ANHX: variants seen among roughly 807,000 people sequenced by gnomAD.
ANHX encodes anomalous homeobox protein.
ANHX carries 20 observed loss-of-function variants against 38.9 expected under a neutral mutation model. The observed-to-expected ratio is 0.51, with a 90% confidence interval of 0.36 to 0.75. ANHX has a LOEUF of 0.75. Among genes scored for constraint, ANHX ranks in the 30% least tolerant of loss-of-function variants. The probability of loss-of-function intolerance (pLI) is 0.00; values close to 1 mark genes in which losing one functional copy is unlikely to be tolerated. For synonymous variants in ANHX, 185 were observed against 203.1 expected (o/e 0.91, Z 0.76); for missense variants, 475 against 493.1 (o/e 0.96, Z 0.35).
intron 7 of ANHX, among the ~76,000 whole-genome samples, chr12:133,223,945 T>C (rs1957149302): frequency 6.6e-6 from 1 of 152,214 alleles, no homozygotes; most frequent in African/African-American, 2.4e-5. Context: ...TGCAAAATTG[T>C]TAACCAAACT....
In ANHX at chr12:133,227,073, G is replaced by A; in HGVS notation, c.581C>T (p.Ala194Val). 6.5e-7 allele frequency: 1 copy of A among 1,536,082 alleles called. No individual in the cohort carries two copies. Among genetic ancestry groups the A allele is most frequent in the Non-Finnish European group, 8.7e-7 (1 of 1,146,880 alleles). The change falls in exon 5 of 10, where the codon GCC (alanine) becomes GTC (valine). Residue 194 changes from alanine (A) to valine (V), a missense_variant. Physicochemically the swap from Ala to Val is moderately conservative, Grantham distance 64. Transcript: ENST00000545940. ...GGCTGGCTTCATGTGCTGGGGAAGG[G>A]CTCTTTGGCGGCGCCGGTAATTGGC... ...WFANYRRRQR[A>V]LPQHMKPAQQ...
At chr12:133,227,774 G>A in intron 4 of ANHX, 50 bp downstream of exon 4, 1 of 1,531,622 alleles carries the variant, frequency 6.5e-7, no homozygotes, top group Non-Finnish European at 8.7e-7. Flanking sequence ...TGGGGGACAG[G>A]GAGGCACCAG....
chr12:133,233,497 A>G (rs1414353623), intron 2 of ANHX, among the ~76,000 whole-genome samples: 1 of 152,194 alleles, frequency 6.6e-6, no homozygotes, highest in African/African-American at 2.4e-5. Flanking sequence ...AGATTTCAGC[A>G]AGTAACGCAG....
At chr12:133,232,161 C>T (rs1957287675) in intron 2 of ANHX, among the ~76,000 whole-genome samples, 1 of 93,174 alleles carries the variant, frequency 1.1e-5, no homozygotes, top group Non-Finnish European at 2.2e-5. Flanking sequence ...CAGTGCTGGT[C>T]CCTCAGGTAC....
chr12:133,226,116 C>T (rs370140164), intron 6 of ANHX, among the ~76,000 whole-genome samples: 2 of 152,162 alleles, frequency 1.3e-5, no homozygotes, highest in Non-Finnish European at 2.9e-5. Flanking sequence ...TGCAGGAGCA[C>T]GTGTGGGTTC....
chr12:133,223,202 A>G (rs1352424204), intron 7 of ANHX, among the ~76,000 whole-genome samples: 2 of 151,476 alleles, frequency 1.3e-5, no homozygotes, highest in African/African-American at 4.9e-5. Context: ...AAAAAAATAT[A>G]TATATATATA....
At chr12:133,219,596 C>T (rs1957081175) in intron 8 of ANHX, among the ~76,000 whole-genome samples, 1 of 152,044 alleles carries the variant, frequency 6.6e-6, no homozygotes, top group South Asian at 2.1e-4. Context: ...GCACAGAGGG[C>T]TCAGAGCAGG....
chr12:133,220,598 G>A (rs1476540859), intron 8 of ANHX, among the ~76,000 whole-genome samples: 2 of 152,152 alleles, frequency 1.3e-5, no homozygotes, highest in East Asian at 3.8e-4. Context: ...CCACAACCTG[G>A]GGATCTGCTC....
At chr12:133,219,811 G>A (rs564039480) in intron 8 of ANHX, among the ~76,000 whole-genome samples, 25 of 152,154 alleles carry the variant, frequency 1.6e-4, no homozygotes, top group Non-Finnish European at 2.5e-4. Flanking sequence ...ACACATACAG[G>A]ATGTTCACAG....
In ANHX at chr12:133,219,381, A is replaced by G; in HGVS notation, c.1281-14T>C. The G allele has an allele frequency of 6.6e-7, 1 of 1,508,356 alleles. No individual in the cohort carries two copies. Among genetic ancestry groups the G allele is most frequent in the Non-Finnish European group, 8.8e-7 (1 of 1,131,972 alleles). The allele number at this position is 1,508,356 out of a possible 1,614,324, so 93.4% of individuals were successfully genotyped here. ...AGCTCTGGAGGGCTGGAAAAGAGAC[A>G]GTGTAAGAATAGGCCCTATCTCAAG... On this transcript the variant is annotated splice_polypyrimidine_tract_variant and intron_variant, in intron 8 of 9. Transcript: ENST00000545940.
At chr12:133,223,469 G>A (rs1340002746) in intron 7 of ANHX, among the ~76,000 whole-genome samples, 12 of 137,836 alleles carry the variant, frequency 8.7e-5, no homozygotes, top group Admixed American at 4.6e-4. Context: ...TTTTTGAGAC[G>A]GAGCCTCACT....
At chr12:133,225,514 G>A (rs1957178270) in intron 7 of ANHX, among the ~76,000 whole-genome samples, 22 bp downstream of exon 7, 1 of 152,222 alleles carries the variant, frequency 6.6e-6, no homozygotes, top group Non-Finnish European at 1.5e-5. Context: ...TGAAACTCAT[G>A]GTCTGTCTGA....
intron 9 of ANHX, 25 bp downstream of exon 9, chr12:133,219,258 T>A (rs1418724949): frequency 6.6e-7 from 1 of 1,522,694 alleles, no homozygotes; most frequent in East Asian, 2.5e-5. Flanking sequence ...GAGGGAATCC[T>A]TCAGTGCTCA....
intron 2 of ANHX, among the ~76,000 whole-genome samples, chr12:133,233,216 G>A (rs546264683): frequency 2.0e-5 from 3 of 152,306 alleles, no homozygotes; most frequent in Non-Finnish European, 4.4e-5. Flanking sequence ...AGCAGGCTCA[G>A]GCCCCGGATC....
chr12:133,226,158 G>A (rs547549040), intron 6 of ANHX, among the ~76,000 whole-genome samples, 160 bp downstream of exon 6: 14 of 152,302 alleles, frequency 9.2e-5, no homozygotes, highest in East Asian at 5.8e-4. Context: ...AGTCCCTGAC[G>A]TGGGCTCCTT....
At chr12:133,226,714 G>A (rs1029274266) in intron 5 of ANHX, among the ~76,000 whole-genome samples, 5 of 152,134 alleles carry the variant, frequency 3.3e-5, no homozygotes, top group South Asian at 4.1e-4. Flanking sequence ...CTCCTGGCCC[G>A]GCCACACAGT....
intron 1 of ANHX, chr12:133,235,231 T>A (rs1957351005): frequency 6.6e-6 from 1 of 152,226 alleles, no homozygotes; most frequent in Non-Finnish European, 1.5e-5. Flanking sequence ...GAACAGAGCC[T>A]GCAGGGGCCT....
chr12:133,231,685 C>T, intron 2 of ANHX, 41 bp from the exon 3 acceptor site: 4 of 1,534,702 alleles, frequency 2.6e-6, no homozygotes, highest in Admixed American at 2.0e-5. Context: ...ACCTGCCCAC[C>T]CTGGAGCACT....
chr12:133,218,671 A>G lies in ANHX; in HGVS notation c.*214T>C, dbSNP rs1441726237. 2 of 418,464 alleles carry G rather than the reference A, an allele frequency of 4.8e-6. No homozygotes were observed. The highest frequency in any genetic ancestry group is 2.0e-5 in the African/African-American group (1 of 49,046). The allele number at this position is 418,464 out of a possible 1,614,324, so 25.9% of individuals were successfully genotyped here. A position where few individuals can be genotyped will look rare whatever the true frequency, so the allele number is the denominator to read the frequency against. ...ACCTTTGACTTCTGATCTCACGAAC[A>G]TTTCTCAAATGCTTTCTCTACTACA... On this transcript the variant is annotated 3_prime_UTR_variant, in exon 10 of 10. Transcript: ENST00000545940.
Sources: allele counts gnomAD v4.1 joint callset (sites outside exome capture counted in the v4.1 genomes callset), GRCh38; gene constraint gnomAD v4.1.1; transcripts MANE v1.5; gene names NCBI Gene and HGNC (gene_info 2026-07-23, HGNC 2026-07-21).